CYP7B1: variants seen among roughly 807,000 people sequenced by gnomAD.
CYP7B1 encodes cytochrome P450 family 7 subfamily B member 1.
In CYP7B1, 29 loss-of-function variants were observed where a neutral mutation model predicts 42.7. The ratio of observed to expected loss-of-function variants is 0.68; its 90% CI spans 0.51 to 0.93. The LOEUF (loss-of-function observed/expected upper bound fraction) is 0.93, where lower values mean the gene tolerates loss of function less well. Among genes scored for constraint, CYP7B1 ranks in the 40% least tolerant of loss-of-function variants. The pLI is 0.00. For missense variants in CYP7B1, 655 were observed against 600.5 expected (o/e 1.09, Z -0.95); for synonymous variants, 235 against 218.2 (o/e 1.08, Z -0.68).
intron 1 of CYP7B1, among the ~76,000 whole-genome samples, chr8:64,770,841 T>C (rs1351626181): frequency 6.6e-6 from 1 of 152,048 alleles, no homozygotes; most frequent in Non-Finnish European, 1.5e-5. Flanking sequence ...CCCATAAATA[T>C]CCCAGTAGCA....
chr8:64,652,156 T>C (rs1806048480), intron 1 of CYP7B1, among the ~76,000 whole-genome samples: 1 of 152,234 alleles, frequency 6.6e-6, no homozygotes, highest in Non-Finnish European at 1.5e-5. Flanking sequence ...ACTCCTAGCC[T>C]ATGATCTCTC....
At chr8:64,797,977 T>C (rs1012822270) in intron 1 of CYP7B1, among the ~76,000 whole-genome samples, 1 of 152,226 alleles carries the variant, frequency 6.6e-6, no homozygotes, top group South Asian at 2.1e-4. Flanking sequence ...TCACGAGGCA[T>C]GTACTATTAT....
chr8:64,705,515 G>C (rs1806985054), intron 1 of CYP7B1, among the ~76,000 whole-genome samples: 1 of 149,456 alleles, frequency 6.7e-6, no homozygotes, highest in Admixed American at 6.7e-5. Context: ...CAAAGTCCAT[G>C]CCAAAAAAAA....
At chr8:64,726,610 C>A (rs1484812080) in intron 1 of CYP7B1, among the ~76,000 whole-genome samples, 2 of 152,118 alleles carry the variant, frequency 1.3e-5, no homozygotes, top group Non-Finnish European at 2.9e-5. Flanking sequence ...GCCTGATTTG[C>A]AAGATTTGAG....
chr8:64,759,851 A>C (rs1259856920), intron 1 of CYP7B1, among the ~76,000 whole-genome samples: 2 of 152,200 alleles, frequency 1.3e-5, no homozygotes, highest in Admixed American at 6.5e-5. Flanking sequence ...TCATAGCTGC[A>C]CATCATGGGT....
chr8:64,652,638 A>G (rs1217106082), intron 1 of CYP7B1, among the ~76,000 whole-genome samples: 1 of 152,066 alleles, frequency 6.6e-6, no homozygotes, highest in Admixed American at 6.6e-5. Flanking sequence ...AGGTCAGGAG[A>G]TAGAGACCAT....
intron 1 of CYP7B1, among the ~76,000 whole-genome samples, chr8:64,764,061 C>G (rs1039791689): frequency 1.3e-5 from 2 of 152,144 alleles, no homozygotes; most frequent in African/African-American, 4.8e-5. Context: ...GGAGTCCTGT[C>G]CCTGGTGTCC....
intron 1 of CYP7B1, among the ~76,000 whole-genome samples, chr8:64,689,003 T>A (rs1371725316): frequency 6.6e-6 from 1 of 152,246 alleles, no homozygotes; most frequent in African/African-American, 2.4e-5. Context: ...CCATTAAGTT[T>A]AAATATCCTT....
At chr8:64,682,569 A>G (rs1806555270) in intron 1 of CYP7B1, among the ~76,000 whole-genome samples, 1 of 152,132 alleles carries the variant, frequency 6.6e-6, no homozygotes, top group African/African-American at 2.4e-5. Flanking sequence ...TGGCTCCCTC[A>G]TTTAGCTTCT....
At chr8:64,641,460 G>A (rs1317007533) in intron 1 of CYP7B1, among the ~76,000 whole-genome samples, 2 of 152,072 alleles carry the variant, frequency 1.3e-5, no homozygotes, top group Non-Finnish European at 2.9e-5. Context: ...CACCAAGAAA[G>A]TTTCCTTATT....
intron 1 of CYP7B1, among the ~76,000 whole-genome samples, chr8:64,646,862 C>G (rs1459855091): frequency 6.6e-6 from 1 of 152,230 alleles, no homozygotes. Flanking sequence ...GGGTGCTTCA[C>G]TTTCTCACAC....
At chr8:64,759,809 C>T (rs1370605756) in intron 1 of CYP7B1, among the ~76,000 whole-genome samples, 3 of 152,046 alleles carry the variant, frequency 2.0e-5, no homozygotes, top group Admixed American at 1.3e-4. Context: ...TCCAGCTCTC[C>T]AAATTTATTT....
intron 1 of CYP7B1, among the ~76,000 whole-genome samples, chr8:64,673,058 C>A (rs983180338): frequency 5.3e-5 from 8 of 152,132 alleles, no homozygotes; most frequent in Non-Finnish European, 1.0e-4. Flanking sequence ...CATACACACA[C>A]ACCATAAAGG....
intron 1 of CYP7B1, among the ~76,000 whole-genome samples, chr8:64,632,535 G>T (rs564301262): frequency 6.6e-6 from 1 of 152,168 alleles, no homozygotes; most frequent in African/African-American, 2.4e-5. Flanking sequence ...GTAATGTACT[G>T]TACACCTCAA....
intron 1 of CYP7B1, among the ~76,000 whole-genome samples, chr8:64,659,829 A>G (rs1287998861): frequency 6.6e-6 from 1 of 152,194 alleles, no homozygotes; most frequent in African/African-American, 2.4e-5. Context: ...GAGTTATCCA[A>G]TAGGCAACAA....
At chr8:64,696,743 T>C (rs955524033) in intron 1 of CYP7B1, among the ~76,000 whole-genome samples, 2 of 152,220 alleles carry the variant, frequency 1.3e-5, no homozygotes, top group Non-Finnish European at 2.9e-5. Context: ...TTTTCTTATA[T>C]TTCATCAATT....
intron 1 of CYP7B1, among the ~76,000 whole-genome samples, chr8:64,729,459 T>C (rs1807375789): frequency 1.3e-5 from 2 of 152,194 alleles, no homozygotes; most frequent in African/African-American, 4.8e-5. Flanking sequence ...TGCAAAGCAG[T>C]GTTAATAATA....
At chr8:64,652,151 T>C (rs1228414430) in intron 1 of CYP7B1, among the ~76,000 whole-genome samples, 1 of 152,246 alleles carries the variant, frequency 6.6e-6, no homozygotes, top group Non-Finnish European at 1.5e-5. Context: ...TCTTGACTCC[T>C]AGCCTATGAT....
intron 1 of CYP7B1, among the ~76,000 whole-genome samples, chr8:64,670,518 C>T (rs1003883901): frequency 6.6e-6 from 1 of 152,072 alleles, no homozygotes; most frequent in Non-Finnish European, 1.5e-5. Flanking sequence ...TACAAAATAG[C>T]TTAAATGAGT....
Sources: allele counts gnomAD v4.1 joint callset (sites outside exome capture counted in the v4.1 genomes callset), GRCh38; gene constraint gnomAD v4.1.1; transcripts MANE v1.5; gene names NCBI Gene and HGNC (gene_info 2026-07-23, HGNC 2026-07-21).